ACCSL: variants seen among roughly 807,000 people sequenced by gnomAD.
ACCSL encodes probable inactive 1-aminocyclopropane-1-carboxylate synthase-like protein 2.
Under a neutral mutation model 61.7 loss-of-function variants are expected in ACCSL, and 55 were observed. The observed-to-expected ratio is 0.89, with a 90% CI of 0.72 to 1.12. The LOEUF (loss-of-function observed/expected upper bound fraction) is 1.12. Among genes scored for constraint, ACCSL ranks in the 50% most tolerant of loss-of-function variants. ACCSL has a pLI of 0.00. For missense variants in ACCSL, 632 were observed against 698.0 expected (o/e 0.91, Z 1.07); for synonymous variants, 258 against 264.3 (o/e 0.98, Z 0.23).
At chr11:44,006,893 A>G in the ACCSL span, among the ~76,000 whole-genome samples, 1 of 152,066 alleles carries the variant, frequency 6.6e-6, no homozygotes, top group Non-Finnish European at 1.5e-5. Context: ...TATTGTTGTT[A>G]TTATTTTTAG....
chr11:43,983,987 A>T, the ACCSL span, among the ~76,000 whole-genome samples: 1 of 152,106 alleles, frequency 6.6e-6, no homozygotes, highest in Admixed American at 6.5e-5. Flanking sequence ...ATGGTGGTGC[A>T]CACCTGTAAG....
At chr11:44,050,930 C>T (rs944605221) in intron 3 of ACCSL, among the ~76,000 whole-genome samples, 4 of 151,644 alleles carry the variant, frequency 2.6e-5, no homozygotes, top group African/African-American at 9.7e-5. Context: ...CAGGCTCTGC[C>T]CCCTGGGTTC....
At chr11:43,985,796 T>C in the ACCSL span, among the ~76,000 whole-genome samples, 1 of 152,130 alleles carries the variant, frequency 6.6e-6, no homozygotes, top group Non-Finnish European at 1.5e-5. Context: ...GGCTCACGCC[T>C]GTACTTTGGG....
the ACCSL span, among the ~76,000 whole-genome samples, chr11:43,956,935 G>T: frequency 2.0e-5 from 3 of 152,206 alleles, no homozygotes; most frequent in Admixed American, 2.0e-4. Context: ...GCAGTGAGGT[G>T]AATGGTTTCC....
chr11:43,986,133 C>T, the ACCSL span, among the ~76,000 whole-genome samples: 1 of 151,964 alleles, frequency 6.6e-6, no homozygotes, highest in Non-Finnish European at 1.5e-5. Flanking sequence ...CCTTCTCTCA[C>T]AGCCATCAAT....
the ACCSL span, among the ~76,000 whole-genome samples, chr11:44,005,225 G>A: frequency 5.3e-5 from 8 of 152,094 alleles, no homozygotes; most frequent in African/African-American, 9.7e-5. Context: ...CCAGCCCCCT[G>A]CCTGGTGAGG....
the ACCSL span, among the ~76,000 whole-genome samples, chr11:44,035,936 T>TAAA: frequency 2.0e-3 from 156 of 79,036 alleles, no homozygotes; most frequent in African/African-American, 4.4e-3. Context: ...AGACTCTGTG[T>TAAA]AAAAAAAAAA....
the ACCSL span, among the ~76,000 whole-genome samples, chr11:43,988,908 C>T: frequency 6.8e-6 from 1 of 146,738 alleles, no homozygotes; most frequent in Non-Finnish European, 1.5e-5. Flanking sequence ...GTAGCTGGGA[C>T]TATAGGTACA....
At chr11:43,964,171 G>T in the ACCSL span, among the ~76,000 whole-genome samples, 4 of 152,166 alleles carry the variant, frequency 2.6e-5, no homozygotes, top group African/African-American at 9.7e-5. Context: ...GTGGCCAGGC[G>T]CGGTGGCTCA....
At chr11:43,950,754 C>A in the ACCSL span, among the ~76,000 whole-genome samples, 13 of 152,340 alleles carry the variant, frequency 8.5e-5, no homozygotes, top group African/African-American at 3.1e-4. Context: ...CCTGAATGAC[C>A]TTGTGGAGCC....
At chr11:44,042,500 T>A in the ACCSL span, among the ~76,000 whole-genome samples, 7 of 152,138 alleles carry the variant, frequency 4.6e-5, no homozygotes, top group Non-Finnish European at 7.4e-5. Context: ...TTTTATTTTT[T>A]TTTGTAGAGA....
At chr11:43,941,651 AG>A in the ACCSL span, among the ~76,000 whole-genome samples, 1 of 152,194 alleles carries the variant, frequency 6.6e-6, no homozygotes. Flanking sequence ...CACCCTCAGC[AG>A]GGGGCTGTCA....
At chr11:43,981,562 T>A in the ACCSL span, among the ~76,000 whole-genome samples, 39 of 152,368 alleles carry the variant, frequency 2.6e-4, no homozygotes, top group African/African-American at 9.1e-4. Flanking sequence ...ACACTACATA[T>A]GTCCATCCTA....
chr11:44,027,770 G>A, the ACCSL span, among the ~76,000 whole-genome samples: 2 of 152,194 alleles, frequency 1.3e-5, no homozygotes, highest in Non-Finnish European at 2.9e-5. Flanking sequence ...CAACAACTTT[G>A]CCTGCATGTT....
At chr11:44,030,624 G>T in the ACCSL span, among the ~76,000 whole-genome samples, 184 of 152,074 alleles carry the variant, frequency 1.2e-3, no homozygotes, top group Non-Finnish European at 1.6e-3. Flanking sequence ...AATTTATCTG[G>T]TTTTTTGTTG....
the ACCSL span, among the ~76,000 whole-genome samples, chr11:44,024,447 G>C: frequency 0.11 from 8,413 of 73,990 alleles, 322 homozygotes; most frequent in African/African-American, 0.23. Flanking sequence ...CTCTCTGTGT[G>C]TGTGTGTGTG....
chr11:43,963,129 C>T, the ACCSL span, among the ~76,000 whole-genome samples: 503 of 152,322 alleles, frequency 3.3e-3, 6 homozygotes, highest in African/African-American at 0.011. Flanking sequence ...GCATCAGATA[C>T]ACAGGGCACA....
At chr11:44,018,173 C>G in the ACCSL span, among the ~76,000 whole-genome samples, 2 of 152,158 alleles carry the variant, frequency 1.3e-5, no homozygotes, top group Non-Finnish European at 2.9e-5. Context: ...AGTGGATAGA[C>G]CCCTTGGCCA....
chr11:44,006,707 G>A, the ACCSL span, among the ~76,000 whole-genome samples: 2 of 151,834 alleles, frequency 1.3e-5, no homozygotes, highest in Non-Finnish European at 2.9e-5. Flanking sequence ...GTTTCATCAT[G>A]TTGGCCCGGC....
Sources: allele counts gnomAD v4.1 joint callset (sites outside exome capture counted in the v4.1 genomes callset), GRCh38; gene constraint gnomAD v4.1.1; transcripts MANE v1.5; gene names NCBI Gene and HGNC (gene_info 2026-07-23, HGNC 2026-07-21).